PHC2: variants seen among roughly 807,000 people sequenced by gnomAD.
The protein encoded by PHC2 is polyhomeotic-like protein 2.
PHC2 carries 29 observed loss-of-function variants against 87.4 expected under a neutral mutation model. The observed-to-expected ratio is 0.33, with a 90% CI of 0.25 to 0.45. The LOEUF (loss-of-function observed/expected upper bound fraction) is 0.45, where lower values mean the gene tolerates loss of function less well. Among genes scored for constraint, PHC2 ranks in the 20% least tolerant of loss-of-function variants. The pLI, the probability that PHC2 is intolerant of heterozygous loss-of-function variation, is 1.00. For synonymous variants in PHC2, 438 were observed against 461.7 expected (o/e 0.95, Z 0.66); for missense variants, 857 against 1,136.7 (o/e 0.75, Z 3.54).
Position 33,382,832 on chromosome 1 carries a change from A to G in PHC2, c.-54-7239T>C, listed in dbSNP as rs1457066488. On this transcript the variant is annotated intron_variant, in intron 1 of 14. Coordinates refer to ENST00000683057, the MANE Select transcript of PHC2 (RefSeq NM_001385109.1). The surrounding 1 kb of genome is among the most constrained non-coding windows in gnomAD (Gnocchi z 4.3). ...TTTGTCCCCAGTGTCAGGGAAATCC[A>G]TTTGCTGTGGATTACAGCTGTGACA... 1.3e-5 allele frequency among the ~76,000 whole-genome samples: 2 copies of G among 152,152 alleles called. No individual in the cohort carries two copies.
intron 1 of PHC2, 27 bp downstream of exon 1, chr1:33,430,949 C>A (rs1040864154): frequency 6.6e-6 from 1 of 151,418 alleles, no homozygotes; most frequent in Non-Finnish European, 1.5e-5. Context: ...GCGAGCTGGC[C>A]CCAGCGCGCA....
intron 1 of PHC2, among the ~76,000 whole-genome samples, chr1:33,419,180 G>A (rs1047099956): frequency 3.3e-5 from 5 of 152,144 alleles, no homozygotes; most frequent in Admixed American, 2.0e-4. Context: ...CATGTTTGCC[G>A]AAATTATTAT....
At chr1:33,346,513 G>A (rs1177087453) in intron 9 of PHC2, 2 of 985,248 alleles carry the variant, frequency 2.0e-6, no homozygotes, top group Non-Finnish European at 2.4e-6. Context: ...AATCTGTCTG[G>A]AGATTAAATA....
chr1:33,338,283 G>A (rs1483222847), intron 9 of PHC2, among the ~76,000 whole-genome samples: 1 of 152,176 alleles, frequency 6.6e-6, no homozygotes, highest in Non-Finnish European at 1.5e-5. Context: ...TGGAATTTGA[G>A]GTTGTTTTTT....
At chr1:33,409,228 G>A (rs1649888249) in intron 1 of PHC2, among the ~76,000 whole-genome samples, 1 of 152,104 alleles carries the variant, frequency 6.6e-6, no homozygotes, top group South Asian at 2.1e-4. Flanking sequence ...GGTTCACAAA[G>A]ATTCAGCTAC....
chr1:33,411,485 A>T (rs1284462160), intron 1 of PHC2, among the ~76,000 whole-genome samples: 1 of 152,128 alleles, frequency 6.6e-6, no homozygotes, highest in Non-Finnish European at 1.5e-5. Flanking sequence ...TATTAAGGCA[A>T]AGTTTAACAT....
intron 9 of PHC2, among the ~76,000 whole-genome samples, chr1:33,344,788 C>A (rs924533840): frequency 1.6e-4 from 25 of 151,702 alleles, no homozygotes; most frequent in Non-Finnish European, 3.7e-4. Context: ...TTTTAATTAT[C>A]TGTAGAGGCG....
At chr1:33,378,968 C>G (rs929143532) in intron 1 of PHC2, among the ~76,000 whole-genome samples, 1 of 151,962 alleles carries the variant, frequency 6.6e-6, no homozygotes, top group Non-Finnish European at 1.5e-5. Context: ...TTGCTATCTC[C>G]CCAGTACTGC....
intron 9 of PHC2, 53 bp downstream of exon 9, chr1:33,354,348 G>A (rs2148280222): frequency 6.5e-7 from 1 of 1,530,142 alleles, no homozygotes; most frequent in East Asian, 2.3e-5. Flanking sequence ...GCCAGGGCAT[G>A]GCAAGAAAGG....
intron 1 of PHC2, among the ~76,000 whole-genome samples, chr1:33,396,993 C>A (rs993643556): frequency 1.2e-4 from 19 of 152,322 alleles, no homozygotes; most frequent in African/African-American, 4.6e-4. Context: ...AGTCTGGAAT[C>A]AGATGGTCTG....
At chr1:33,426,251 C>A (rs1311077903) in intron 1 of PHC2, among the ~76,000 whole-genome samples, 1 of 151,848 alleles carries the variant, frequency 6.6e-6, no homozygotes, top group Non-Finnish European at 1.5e-5. Flanking sequence ...ACAGAGTAAG[C>A]AACAAAGGCA....
chr1:33,427,801 G>C (rs1167837963), intron 1 of PHC2, among the ~76,000 whole-genome samples: 2 of 152,162 alleles, frequency 1.3e-5, no homozygotes, highest in Non-Finnish European at 2.9e-5. Context: ...AACAAATGGT[G>C]GTGAATAGAA....
chr1:33,424,802 C>T (rs12121234), intron 1 of PHC2, among the ~76,000 whole-genome samples: 28,632 of 151,914 alleles, frequency 0.19, 2,850 homozygotes, highest in South Asian at 0.25. Flanking sequence ...TCTGAGTAAG[C>T]AAGGAGTCAG....
At chr1:33,362,934 G>A (rs1014871173) in intron 7 of PHC2, 3 of 152,228 alleles carry the variant, frequency 2.0e-5, no homozygotes, top group African/African-American at 7.2e-5. Context: ...GGATGACAGT[G>A]ACTCTGAGCC....
intron 13 of PHC2, 94 bp from the exon 14 acceptor site, chr1:33,329,240 C>T: frequency 2.2e-6 from 3 of 1,337,814 alleles, no homozygotes; most frequent in Non-Finnish European, 3.1e-6. Flanking sequence ...TCTACTTGGC[C>T]TACTACTACA....
At chr1:33,424,934 G>A (rs1650607482) in intron 1 of PHC2, among the ~76,000 whole-genome samples, 1 of 152,160 alleles carries the variant, frequency 6.6e-6, no homozygotes, top group South Asian at 2.1e-4. Flanking sequence ...TCAGGACCTG[G>A]ATAACAGGAA....
chr1:33,354,792 G>A (rs1647037966), intron 8 of PHC2, 46 bp downstream of exon 8: 5 of 1,581,844 alleles, frequency 3.2e-6, no homozygotes, highest in Non-Finnish European at 8.6e-7. Context: ...CGTCCGAGCT[G>A]TGGCCACCCC....
chr1:33,375,464 T>G lies in PHC2; in HGVS notation c.76A>C (p.Ser26Arg). The change falls in exon 2 of 15, where the codon AGC becomes CGC. Residue 26 changes from serine to arginine, a missense_variant. By Grantham distance (110) the Ser-to-Arg change is moderately radical. Coordinates refer to ENST00000683057, the MANE Select transcript of PHC2 (RefSeq NM_001385109.1). ...CTGCTGCTGTTGTTGCAGCCACTGC[T>G]GCTACTGGCCCCGCTGGTACTGCTG... Reference protein sequence around the residue: ...ATSSTSGASSSSGCNNSSSGG... With the variant: ...ATSSTSGASSRSGCNNSSSGG... The G allele has an allele frequency of 1.2e-6, 2 of 1,612,856 alleles. No individual in the cohort carries two copies. The highest frequency in any genetic ancestry group is 1.7e-6 in the Non-Finnish European group (2 of 1,179,472).
In PHC2 at chr1:33,341,535, C is replaced by T. The variant is rs185609102; in HGVS notation, c.1559-7243G>A. ...CCTGAATCTAGTTAATCAGGACGCA[C>T]AAGCTGGATTCAATATCTGAAGAAG... is the stretch of plus-strand genomic sequence containing the variant. On this transcript the variant is annotated intron_variant, in intron 9 of 14. Transcript: ENST00000683057. 1.2e-4 allele frequency among the ~76,000 whole-genome samples: 18 copies of T among 152,308 alleles called. No individual in the cohort carries two copies. In the East Asian group the frequency reaches 3.1e-3, roughly 26 times the overall value.
Sources: allele counts gnomAD v4.1 joint callset (sites outside exome capture counted in the v4.1 genomes callset), GRCh38; gene constraint gnomAD v4.1.1; non-coding constraint Gnocchi (gnomAD v3.1); transcripts MANE v1.5; gene names NCBI Gene and HGNC (gene_info 2026-07-23, HGNC 2026-07-21).